Variants in SETD7 observed in about 807,000 individuals in gnomAD.
SETD7 encodes SET domain containing 7, histone lysine methyltransferase, also known as histone-lysine N-methyltransferase SETD7.
SETD7 carries 16 observed loss-of-function variants against 41.8 expected under a neutral mutation model. The ratio of observed to expected loss-of-function variants is 0.38; its 90% CI spans 0.26 to 0.58. The LOEUF (loss-of-function observed/expected upper bound fraction) is 0.58, where lower values mean the gene tolerates loss of function less well. SETD7 is among the 20% of genes least tolerant of loss of function. SETD7 has a pLI of 0.64. For missense variants in SETD7, 346 were observed against 459.7 expected, an observed-to-expected ratio of 0.75 and a Z score of 2.26; for synonymous variants, 163 against 169.7, an observed-to-expected ratio of 0.96 and a Z score of 0.31.
intron 1 of SETD7, among the ~76,000 whole-genome samples, chr4:139,547,739 T>C (rs1056332616): frequency 6.6e-5 from 10 of 152,226 alleles, no homozygotes; most frequent in African/African-American, 2.4e-4. Context: ...TTAAACCTAC[T>C]GGTTTACTTT....
intron 7 of SETD7, among the ~76,000 whole-genome samples, chr4:139,498,738 C>T (rs901636819): frequency 2.6e-5 from 4 of 152,150 alleles, no homozygotes; most frequent in Non-Finnish European, 5.9e-5. Flanking sequence ...AAGGCAGATC[C>T]TGCCAACCAG....
chr4:139,502,567 C>T (rs1231023021), downstream of SETD7, among the ~76,000 whole-genome samples: 2 of 152,168 alleles, frequency 1.3e-5, no homozygotes, highest in African/African-American at 4.8e-5. Context: ...TGAAAACAGT[C>T]TTCTGAACCC....
At position 139,555,310 on chromosome 4, in the gene SETD7, G is replaced by C. The variant is rs886495823; in HGVS notation, c.40+788C>G. 6.6e-6 allele frequency among the ~76,000 whole-genome samples: 1 copy of C among 151,810 alleles called. No homozygotes were observed. Among genetic ancestry groups the C allele is most frequent in the African/African-American group, 2.4e-5 (1 of 41,314 alleles). On this transcript the variant is annotated intron_variant, in intron 1 of 7. Coordinates refer to ENST00000274031, the MANE Select transcript of SETD7 (RefSeq NM_030648.4). This position sits in a 1 kb window ranked among gnomAD's most constrained non-coding sequence, Gnocchi z 4.0. ...GGCGGTGATATCACCCACAGCCAAC[G>C]GCATGGAATTCAGAAAGTTAAGTGT...
intron 2 of SETD7, among the ~76,000 whole-genome samples, chr4:139,541,941 A>C (rs1238834487): frequency 1.3e-5 from 2 of 152,204 alleles, no homozygotes; most frequent in African/African-American, 4.8e-5. Flanking sequence ...GTGCACTCCC[A>C]TGTTTATTGC....
At position 139,509,848 on chromosome 4, in the gene SETD7, T is replaced by C; in HGVS notation, c.*1815A>G. 1.0e-6 allele frequency: 1 copy of C among 985,468 alleles called. No individual in the cohort carries two copies. Among genetic ancestry groups the C allele is most frequent in the Non-Finnish European group, 1.2e-6 (1 of 829,974 alleles). The allele number at this position is 985,468 out of a possible 1,614,324, so 61.0% of individuals were successfully genotyped here. A position where few individuals can be genotyped will look rare whatever the true frequency, so the allele number is the denominator to read the frequency against. On this transcript the variant is annotated 3_prime_UTR_variant, in exon 8 of 8. Coordinates refer to ENST00000274031, the MANE Select transcript of SETD7 (RefSeq NM_030648.4). ...CAATCTTCCTGGAAGCACTGACAAC[T>C]TCCTCTCATGGGTGAACCATTGGCT...
chr4:139,527,850 C>T (rs990438441), intron 4 of SETD7, among the ~76,000 whole-genome samples: 1 of 152,186 alleles, frequency 6.6e-6, no homozygotes, highest in African/African-American at 2.4e-5. Flanking sequence ...TGCATTTAGA[C>T]TGTCTCCATT....
At chr4:139,547,595 T>G (rs1484722347) in intron 1 of SETD7, among the ~76,000 whole-genome samples, 1 of 152,260 alleles carries the variant, frequency 6.6e-6, no homozygotes. Context: ...CTAGCCAGTC[T>G]GAAAATCTCA....
intron 2 of SETD7, among the ~76,000 whole-genome samples, chr4:139,544,616 A>T (rs1025205334): frequency 6.6e-6 from 1 of 152,158 alleles, no homozygotes; most frequent in Admixed American, 6.5e-5. Context: ...CAGCATCTTG[A>T]AGCTAACAAG....
Position 139,533,033 on chromosome 4 carries a change from A to G in SETD7, c.372+132T>C, listed in dbSNP as rs568124478. 136 of 733,592 alleles carry G rather than the reference A, an allele frequency of 1.9e-4. No individual in the cohort carries two copies. In the East Asian group the frequency reaches 3.6e-3, roughly 19 times the overall value. 45.4% of individuals were successfully genotyped at this position (733,592 alleles called of 1,614,324 possible). A position where few individuals can be genotyped will look rare whatever the true frequency, so the allele number is the denominator to read the frequency against. ...AACAGTGAGAGGGCATGCCTCATAA[A>G]CTCTTGGTGTCAGCTGTGGTGACTC... On this transcript the variant is annotated intron_variant, in intron 3 of 7. Coordinates refer to ENST00000274031, the MANE Select transcript of SETD7 (RefSeq NM_030648.4).
chr4:139,538,915 T>C (rs1727711338), intron 2 of SETD7, among the ~76,000 whole-genome samples: 1 of 152,218 alleles, frequency 6.6e-6, no homozygotes. Flanking sequence ...TTTCCTGTTT[T>C]ATCCAACCTC....
rs972731424 is a variant in SETD7, at chr4:139,506,722, A to G, written c.*4941T>C. 2 of 152,654 alleles carry G rather than the reference A, an allele frequency of 1.3e-5. No homozygotes were observed. Among genetic ancestry groups the G allele is most frequent in the Non-Finnish European group, 2.9e-5 (2 of 68,046 alleles). The allele number at this position is 152,654 out of a possible 1,614,324, so 9.5% of individuals were successfully genotyped here. A position where few individuals can be genotyped will look rare whatever the true frequency, so the allele number is the denominator to read the frequency against. ...GGAAAAAAAACCCCACTCAAGTTGA[A>G]TATCATCATAAAGGAGTTTTTGTTT... is the stretch of plus-strand genomic sequence containing the variant. On this transcript the variant is annotated 3_prime_UTR_variant, in exon 8 of 8. Coordinates refer to ENST00000274031, the MANE Select transcript of SETD7 (RefSeq NM_030648.4).
At chr4:139,544,836 G>GTA (rs1727893322) in intron 2 of SETD7, among the ~76,000 whole-genome samples, 1 of 151,916 alleles carries the variant, frequency 6.6e-6, no homozygotes, top group Non-Finnish European at 1.5e-5. Context: ...GTGTTTGTGT[G>GTA]TGGAGGGGGA....
intron 4 of SETD7, among the ~76,000 whole-genome samples, chr4:139,525,092 CAGGCGTG>C (rs1166616352): frequency 6.6e-6 from 1 of 152,222 alleles, no homozygotes; most frequent in Non-Finnish European, 1.5e-5. Flanking sequence ...GCGGGTATTA[CAGGCGTG>C]AGCTGCTGTG....
intron 3 of SETD7, among the ~76,000 whole-genome samples, chr4:139,531,277 C>G (rs759255462): frequency 6.6e-6 from 1 of 152,208 alleles, no homozygotes; most frequent in African/African-American, 2.4e-5. Flanking sequence ...CCAATCTTGG[C>G]GCATCTTTGA....
At chr4:139,501,951 A>G (rs1171027737), downstream of SETD7, among the ~76,000 whole-genome samples, 1 of 152,232 alleles carries the variant, frequency 6.6e-6, no homozygotes, top group Non-Finnish European at 1.5e-5. Flanking sequence ...ATCCCAGAGC[A>G]GGCGGAGCAA....
At chr4:139,493,831 C>T (rs189052586), downstream of SETD7, among the ~76,000 whole-genome samples, 5 of 152,336 alleles carry the variant, frequency 3.3e-5, no homozygotes, top group South Asian at 2.1e-4. Flanking sequence ...TAAGCCACTG[C>T]GGCTGGCTGC....
At chr4:139,497,483 A>G (rs998718243) in intron 7 of SETD7, among the ~76,000 whole-genome samples, 1 of 152,126 alleles carries the variant, frequency 6.6e-6, no homozygotes, top group African/African-American at 2.4e-5. Context: ...AAAAAATAAA[A>G]AAATTTAAAA....
At chr4:139,551,396 G>T (rs1456569682) in intron 1 of SETD7, among the ~76,000 whole-genome samples, 1 of 152,102 alleles carries the variant, frequency 6.6e-6, no homozygotes, top group Non-Finnish European at 1.5e-5. Context: ...AGAAGTTAGA[G>T]AAAGGAAAAA....
At position 139,517,778 on chromosome 4, in the gene SETD7, C is replaced by T. The variant is rs570564362; in HGVS notation, c.920+107G>A. ...CGATAGCAGAGGACCCATGGTCATT[C>T]AGATGAAGCAGCCTTTATCTGAGGC... is the stretch of plus-strand genomic sequence containing the variant. On this transcript the variant is annotated intron_variant, in intron 7 of 7. Coordinates refer to ENST00000274031, the MANE Select transcript of SETD7 (RefSeq NM_030648.4). 4.9e-6 allele frequency: 6 copies of T among 1,220,876 alleles called. 1 individual carries two copies. The highest frequency in any genetic ancestry group is 3.1e-5 in the South Asian group (2 of 63,886). The allele number at this position is 1,220,876 out of a possible 1,614,324, so 75.6% of individuals were successfully genotyped here.
Sources: allele counts gnomAD v4.1 joint callset (sites outside exome capture counted in the v4.1 genomes callset), GRCh38; gene constraint gnomAD v4.1.1; non-coding constraint Gnocchi (gnomAD v3.1); transcripts MANE v1.5; gene names NCBI Gene and HGNC (gene_info 2026-07-23, HGNC 2026-07-21).